Variants in FAM53A observed in about 807,000 individuals in gnomAD.
The protein encoded by FAM53A is protein FAM53A.
Under a neutral mutation model 26.6 loss-of-function variants are expected in FAM53A, and 28 were observed. That is an observed-to-expected ratio of 1.05 (90% CI 0.78 to 1.45). The LOEUF (loss-of-function observed/expected upper bound fraction) is 1.45. Ranked by LOEUF, FAM53A falls within the 40% of genes most tolerant of loss-of-function variation. The pLI is 0.00. For synonymous variants in FAM53A, 290 were observed against 253.1 expected (o/e 1.15, Z -1.38); for missense variants, 650 against 575.8 (o/e 1.13, Z -1.32).
At chr4:1,627,381 C>T (rs1715353888) in intron 1 of FAM53A, among the ~76,000 whole-genome samples, 1 of 152,224 alleles carries the variant, frequency 6.6e-6, no homozygotes, top group African/African-American at 2.4e-5. Flanking sequence ...GAACTGCCGA[C>T]TGACGGATAC....
At chr4:1,643,429 G>A (rs1191564075) in intron 4 of FAM53A, among the ~76,000 whole-genome samples, 1 of 151,960 alleles carries the variant, frequency 6.6e-6, no homozygotes, top group Admixed American at 6.5e-5. Context: ...TTGGGCCACT[G>A]CACTCCAGCC....
chr4:1,599,219 C>T, the FAM53A span, among the ~76,000 whole-genome samples: 1 of 147,098 alleles, frequency 6.8e-6, no homozygotes, highest in South Asian at 2.2e-4. This position sits in a 1 kb window ranked among gnomAD's most constrained non-coding sequence, Gnocchi z 6.1. Context: ...ATCCAGGGTG[C>T]CGGAGCGCAG....
intron 4 of FAM53A, among the ~76,000 whole-genome samples, chr4:1,645,842 C>T (rs1328181236): frequency 2.0e-5 from 3 of 152,240 alleles, no homozygotes; most frequent in Admixed American, 2.0e-4. Context: ...ATTCCATGTT[C>T]TTGATGGTCC....
chr4:1,606,140 G>A, the FAM53A span, among the ~76,000 whole-genome samples: 2 of 150,754 alleles, frequency 1.3e-5, no homozygotes, highest in African/African-American at 2.4e-5. Flanking sequence ...CCGGGTTCAC[G>A]CCATTCTCCT....
At chr4:1,678,544 G>A (rs1009214987) in intron 1 of FAM53A, among the ~76,000 whole-genome samples, 22 of 152,158 alleles carry the variant, frequency 1.4e-4, no homozygotes, top group African/African-American at 4.6e-4. Flanking sequence ...ACATGAGGCC[G>A]GGTGCGGTGG....
At chr4:1,634,297 G>A (rs1398768536) in intron 1 of FAM53A, among the ~76,000 whole-genome samples, 1 of 152,174 alleles carries the variant, frequency 6.6e-6, no homozygotes, top group Middle Eastern at 3.4e-3. Context: ...CTCTGCTGAG[G>A]GCTCCTGTTA....
intron 1 of FAM53A, among the ~76,000 whole-genome samples, chr4:1,624,452 A>C (rs979711019): frequency 3.3e-5 from 5 of 152,172 alleles, no homozygotes; most frequent in Non-Finnish European, 5.9e-5. Flanking sequence ...GCGGAGGCTG[A>C]CGGGTCATCC....
intron 1 of FAM53A, among the ~76,000 whole-genome samples, chr4:1,623,912 G>C (rs1422451294): frequency 1.3e-5 from 2 of 152,192 alleles, no homozygotes; most frequent in African/African-American, 4.8e-5. Flanking sequence ...TGGGTGCCCG[G>C]CTGGGCACAG....
At chr4:1,638,012 G>A (rs1315595135), downstream of FAM53A, among the ~76,000 whole-genome samples, 4 of 151,906 alleles carry the variant, frequency 2.6e-5, no homozygotes, top group Non-Finnish European at 5.9e-5. Flanking sequence ...GGCCCACCGT[G>A]GGTGACACAG....
downstream of FAM53A, among the ~76,000 whole-genome samples, chr4:1,615,373 C>A (rs1714774703): frequency 1.3e-5 from 2 of 150,220 alleles, no homozygotes; most frequent in Admixed American, 1.3e-4. Flanking sequence ...CCTGGGCACA[C>A]ACACGGAAGA....
chr4:1,677,654 CAG>C (rs1715135062), intron 1 of FAM53A, among the ~76,000 whole-genome samples: 1 of 152,312 alleles, frequency 6.6e-6, no homozygotes, highest in Admixed American at 6.5e-5. Flanking sequence ...TCCATTCACA[CAG>C]AGAGGGAAGA....
intron 2 of FAM53A, among the ~76,000 whole-genome samples, chr4:1,667,673 G>C (rs1560192542): frequency 2.0e-5 from 3 of 152,070 alleles, no homozygotes; most frequent in Admixed American, 2.0e-4. Context: ...AAAGGCCCGA[G>C]ACCCACAGCT....
the FAM53A span, among the ~76,000 whole-genome samples, chr4:1,587,770 T>G: frequency 3.3e-5 from 5 of 152,318 alleles, no homozygotes; most frequent in Admixed American, 6.5e-5. Context: ...GAATCTGTCT[T>G]CAGTTTTATT....
the FAM53A span, among the ~76,000 whole-genome samples, chr4:1,590,955 C>CAT: frequency 0.026 from 1,177 of 45,886 alleles, 47 homozygotes; most frequent in Non-Finnish European, 0.038. Flanking sequence ...TTATTTAATG[C>CAT]ATATATATAT....
At chr4:1,648,833 C>A (rs1031578710) in intron 4 of FAM53A, among the ~76,000 whole-genome samples, 1 of 152,210 alleles carries the variant, frequency 6.6e-6, no homozygotes. Context: ...ACGGGGCAAG[C>A]CGGGAGTGGT....
At position 1,655,709 on chromosome 4, in the gene FAM53A, TC is replaced by T. The variant is rs768838549; in HGVS notation, c.150del (p.Trp50Ter). ...ACGGGCGGTCCTCCACTGAAGACCT[TC>T]CAGGGACTCTGGTCTACAAAAAAAG... is the stretch of plus-strand genomic sequence containing the variant. Reference protein sequence around the residue: ...FPLELNDQSPWKVFSGGPPVR... With the variant: ...FPLELNDQSPXKVFSGGPPVR... On this transcript the variant is annotated frameshift_variant, in exon 4 of 5. Coordinates refer to ENST00000308132, the MANE Select transcript of FAM53A (RefSeq NM_001174070.3). LOFTEE classifies it high-confidence loss of function. The T allele has an allele frequency of 6.3e-7, 1 of 1,577,432 alleles. No homozygotes were observed. The highest frequency in any genetic ancestry group is 8.6e-7 in the Non-Finnish European group (1 of 1,168,136).
chr4:1,613,588 C>G (rs1287681152), downstream of FAM53A, among the ~76,000 whole-genome samples: 2 of 122,446 alleles, frequency 1.6e-5, no homozygotes, highest in African/African-American at 6.2e-5. Context: ...GCCTGAGATC[C>G]ACACCGACGT....
downstream of FAM53A, chr4:1,617,853 G>A: frequency 2.8e-6 from 1 of 362,896 alleles, no homozygotes; most frequent in South Asian, 2.1e-5. Flanking sequence ...GAGGGTGCCT[G>A]CGCCCACCCC....
At chr4:1,586,676 G>A in the FAM53A span, among the ~76,000 whole-genome samples, 4 of 151,364 alleles carry the variant, frequency 2.6e-5, no homozygotes, top group African/African-American at 4.9e-5. Flanking sequence ...CCAGCTACTC[G>A]GGAGGCTGAG....
Sources: allele counts gnomAD v4.1 joint callset (sites outside exome capture counted in the v4.1 genomes callset), GRCh38; gene constraint gnomAD v4.1.1; non-coding constraint Gnocchi (gnomAD v3.1); transcripts MANE v1.5; gene names NCBI Gene and HGNC (gene_info 2026-07-23, HGNC 2026-07-21).